Variants in FBXL7 observed in about 807,000 individuals in gnomAD.
FBXL7 encodes F-box and leucine rich repeat protein 7, also known as F-box/LRR-repeat protein 7.
FBXL7 carries 12 observed loss-of-function variants against 38.3 expected under a neutral mutation model. The ratio of observed to expected loss-of-function variants is 0.31; its 90% CI spans 0.20 to 0.51. FBXL7 has a LOEUF of 0.51. FBXL7 is among the 20% of genes least tolerant of loss of function. The probability of loss-of-function intolerance (pLI) is 0.98; values close to 1 mark genes in which losing one functional copy is unlikely to be tolerated. For missense variants in FBXL7, 567 were observed against 676.4 expected (o/e 0.84, Z 1.79); for synonymous variants, 297 against 300.9 (o/e 0.99, Z 0.13).
chr5:15,591,924 A>C lies in FBXL7; in HGVS notation c.38-24059A>C, dbSNP rs557386058. On this transcript the variant is annotated intron_variant, in intron 1 of 3. Transcript: ENST00000504595. The stretch of plus-strand genomic sequence containing the variant: ...ATGGGGTTTCACCATGTTGGCCAGG[A>C]TGGTCTTGATCTCTTGACCTTGTGA... 5.9e-5 allele frequency among the ~76,000 whole-genome samples: 9 copies of C among 152,146 alleles called. No individual in the cohort carries two copies. In the East Asian group the frequency reaches 1.4e-3, roughly 23 times the overall value.
intron 2 of FBXL7, among the ~76,000 whole-genome samples, chr5:15,916,637 C>A (rs964336182): frequency 6.6e-6 from 1 of 152,158 alleles, no homozygotes; most frequent in African/African-American, 2.4e-5. Context: ...ATGCAGTCTA[C>A]CATATCCGAG....
chr5:15,826,514 G>A (rs1247410970), intron 2 of FBXL7, among the ~76,000 whole-genome samples: 1 of 152,144 alleles, frequency 6.6e-6, no homozygotes, highest in Non-Finnish European at 1.5e-5. Flanking sequence ...CACCTCCCGG[G>A]TTCTAGTGAT....
chr5:15,874,393 C>G (rs1179422152), intron 2 of FBXL7, among the ~76,000 whole-genome samples: 1 of 152,214 alleles, frequency 6.6e-6, no homozygotes, highest in South Asian at 2.1e-4. Flanking sequence ...TCCTATTCAA[C>G]ATAGTATTGG....
At chr5:15,507,272 G>C (rs1244990601) in intron 1 of FBXL7, among the ~76,000 whole-genome samples, 3 of 152,236 alleles carry the variant, frequency 2.0e-5, no homozygotes, top group East Asian at 3.9e-4. Context: ...CTGTTCCACT[G>C]TTAGTTTCAA....
intron 1 of FBXL7, among the ~76,000 whole-genome samples, chr5:15,543,940 G>A (rs960260259): frequency 1.3e-5 from 2 of 152,188 alleles, no homozygotes; most frequent in Non-Finnish European, 2.9e-5. Flanking sequence ...CTCCGGAGGT[G>A]GGACTGGGGC....
intron 2 of FBXL7, among the ~76,000 whole-genome samples, chr5:15,617,842 A>C (rs914109036): frequency 1.3e-5 from 2 of 152,208 alleles, no homozygotes; most frequent in Non-Finnish European, 2.9e-5. Flanking sequence ...TTGCCAGATT[A>C]TCTATGTTTT....
At position 15,586,284 on chromosome 5, in the gene FBXL7, CTTCT is replaced by C. The variant is rs1453677597; in HGVS notation, c.38-29694_38-29691del. The stretch of plus-strand genomic sequence containing the variant: ...CCCTCCCCTCCCCCCTCCCCCTTGT[CTTCT>C]TTCTCTCTCTCTCCCCCCTCACCTC... On this transcript the variant is annotated intron_variant, in intron 1 of 3. Coordinates refer to ENST00000504595, the MANE Select transcript of FBXL7 (RefSeq NM_012304.5). Among the ~76,000 whole-genome samples, 224 of 109,052 alleles carry C rather than the reference CTTCT, an allele frequency of 2.1e-3. 1 individual carries two copies. Among genetic ancestry groups the C allele is most frequent in the African/African-American group, 7.3e-3 (209 of 28,474 alleles). The allele number at this position is 109,052 out of a possible 152,430, so 71.5% of individuals were successfully genotyped here.
At chr5:15,522,772 T>C (rs1003788715) in intron 1 of FBXL7, among the ~76,000 whole-genome samples, 2 of 152,260 alleles carry the variant, frequency 1.3e-5, no homozygotes, top group Non-Finnish European at 2.9e-5. Context: ...AGTGCAACTC[T>C]AAACACTTCA....
intron 3 of FBXL7, chr5:15,935,239 G>C (rs544322834): frequency 3.0e-5 from 16 of 534,754 alleles, no homozygotes; most frequent in African/African-American, 2.5e-4. Flanking sequence ...GTGAACGGGC[G>C]CCATCCCGAG....
intron 1 of FBXL7, among the ~76,000 whole-genome samples, chr5:15,535,554 A>G (rs1737560862): frequency 1.3e-5 from 2 of 152,192 alleles, no homozygotes; most frequent in Non-Finnish European, 2.9e-5. Context: ...CTGGCGCTAG[A>G]GATCTGTGGA....
intron 2 of FBXL7, among the ~76,000 whole-genome samples, chr5:15,887,926 A>C (rs971061429): frequency 1.3e-5 from 2 of 152,176 alleles, no homozygotes; most frequent in Non-Finnish European, 2.9e-5. Context: ...TCTCTCTCTC[A>C]GCATAGAGAG....
chr5:15,802,889 G>A (rs981802111), intron 2 of FBXL7, among the ~76,000 whole-genome samples: 1 of 152,106 alleles, frequency 6.6e-6, no homozygotes. Context: ...CCAACCTCAG[G>A]TGATCCGCCT....
intron 1 of FBXL7, among the ~76,000 whole-genome samples, chr5:15,513,846 C>G (rs961171412): frequency 6.6e-6 from 1 of 152,174 alleles, no homozygotes; most frequent in African/African-American, 2.4e-5. Flanking sequence ...TTCTGAATAA[C>G]ATACTTTTCA....
At chr5:15,689,278 T>G (rs1388123333) in intron 2 of FBXL7, among the ~76,000 whole-genome samples, 1 of 151,938 alleles carries the variant, frequency 6.6e-6, no homozygotes, top group Admixed American at 6.6e-5. Flanking sequence ...TTTTTTTTTT[T>G]TTTTTAGAAA....
intron 2 of FBXL7, among the ~76,000 whole-genome samples, chr5:15,848,379 G>A (rs1270552602): frequency 6.6e-6 from 1 of 151,924 alleles, no homozygotes; most frequent in Non-Finnish European, 1.5e-5. Flanking sequence ...ATGCATGCAT[G>A]CATTTTGTTT....
intron 2 of FBXL7, among the ~76,000 whole-genome samples, chr5:15,641,208 G>A (rs1324448310): frequency 1.3e-5 from 2 of 152,196 alleles, no homozygotes; most frequent in Non-Finnish European, 2.9e-5. Flanking sequence ...GGGACTCCTG[G>A]AGTTGACCTA....
intron 3 of FBXL7, among the ~76,000 whole-genome samples, chr5:15,933,857 G>A (rs988579588): frequency 1.2e-4 from 19 of 152,250 alleles, no homozygotes; most frequent in Admixed American, 9.2e-4. Context: ...GAAGTGAGGC[G>A]CCTAGCTGTA....
At chr5:15,586,437 G>A (rs1739308253) in intron 1 of FBXL7, among the ~76,000 whole-genome samples, 1 of 151,392 alleles carries the variant, frequency 6.6e-6, no homozygotes, top group African/African-American at 2.4e-5. Flanking sequence ...AAAGTGATGG[G>A]TTGGAATGGA....
chr5:15,619,962 C>A (rs546707296), intron 2 of FBXL7, among the ~76,000 whole-genome samples: 2 of 152,118 alleles, frequency 1.3e-5, no homozygotes, highest in Non-Finnish European at 2.9e-5. Flanking sequence ...AAAGTGAGGA[C>A]ATGGGGATAG....
Sources: gnomAD v4.1 joint callset for allele counts (sites outside exome capture counted in the v4.1 genomes callset) on GRCh38, gnomAD v4.1.1 for gene constraint, MANE v1.5 for transcripts, NCBI Gene and HGNC (gene_info 2026-07-23, HGNC 2026-07-21) for gene names.